The following GAN variants were observed in gnomAD, a reference collection of about 807,000 sequenced individuals.
The protein encoded by GAN is epididymis secretory sperm binding protein.
Under a neutral mutation model 71.3 loss-of-function variants are expected in GAN, and 48 were observed. The observed-to-expected ratio is 0.67, with a 90% CI of 0.53 to 0.86. GAN has a LOEUF of 0.86. GAN is among the 40% of genes least tolerant of loss of function. The pLI, the probability that GAN is intolerant of heterozygous loss-of-function variation, is 0.00. For synonymous variants in GAN, 386 were observed against 276.8 expected (o/e 1.39, Z -3.92); for missense variants, 928 against 770.1 (o/e 1.21, Z -2.43).
At chr16:81,357,598 T>C (rs1910533368) in intron 4 of GAN, among the ~76,000 whole-genome samples, 1 of 152,196 alleles carries the variant, frequency 6.6e-6, no homozygotes, top group African/African-American at 2.4e-5. Context: ...GCAGCATGAT[T>C]TATAGTCCTT....
chr16:81,379,360 T>G lies in GAN; in HGVS notation c.*1764T>G, dbSNP rs1222684747. 1 of 152,232 alleles carries G rather than the reference T, an allele frequency of 6.6e-6. No homozygotes were observed. Among genetic ancestry groups the G allele is most frequent in the Non-Finnish European group, 1.5e-5 (1 of 68,032 alleles). The allele number at this position is 152,232 out of a possible 1,614,324, so 9.4% of individuals were successfully genotyped here. A position where few individuals can be genotyped will look rare whatever the true frequency, so the allele number is the denominator to read the frequency against. On this transcript the variant is annotated 3_prime_UTR_variant, in exon 11 of 11. Transcript: ENST00000648994. ...AGTGTGGTACATTAACTCTCCATTT[T>G]AGCCAGAAGATACCTGATAAGAGAA...
intron 1 of GAN, among the ~76,000 whole-genome samples, chr16:81,331,026 A>G (rs577295585): frequency 6.6e-6 from 1 of 152,136 alleles, no homozygotes; most frequent in East Asian, 1.9e-4. Context: ...GTACCATAGC[A>G]AGATCCCATC....
Position 81,383,824 on chromosome 16 carries a change from C to T in GAN, c.*6228C>T, listed in dbSNP as rs1321528946. 7 of 152,088 alleles carry T rather than the reference C, an allele frequency of 4.6e-5. No homozygotes were observed. Among genetic ancestry groups the T allele is most frequent in the African/African-American group, 1.4e-4 (6 of 41,386 alleles). 9.4% of individuals were successfully genotyped at this position (152,088 alleles called of 1,614,324 possible). A position where few individuals can be genotyped will look rare whatever the true frequency, so the allele number is the denominator to read the frequency against. ...GAACGAGTAGACACTGAATAGGATC[C>T]ACGTAAATGAACGGCCATTTCAAAT... On this transcript the variant is annotated 3_prime_UTR_variant, in exon 11 of 11. Coordinates refer to ENST00000648994, the MANE Select transcript of GAN (RefSeq NM_022041.4).
chr16:81,348,658 G>T (rs114957962), intron 1 of GAN, among the ~76,000 whole-genome samples: 88 of 152,336 alleles, frequency 5.8e-4, no homozygotes, highest in African/African-American at 2.0e-3. Context: ...TACGTTTTCT[G>T]TGTATGATGT....
chr16:81,319,715 C>G (rs899547945), intron 1 of GAN, among the ~76,000 whole-genome samples: 1 of 152,194 alleles, frequency 6.6e-6, no homozygotes, highest in Non-Finnish European at 1.5e-5. Flanking sequence ...CCCGACCCCC[C>G]CTTATTTTTT....
chr16:81,366,849 C>G (rs967289688), intron 9 of GAN, among the ~76,000 whole-genome samples: 2 of 151,894 alleles, frequency 1.3e-5, no homozygotes, highest in Non-Finnish European at 2.9e-5. Flanking sequence ...TTTTTGGAGA[C>G]AGTCTCGCTC....
intron 1 of GAN, among the ~76,000 whole-genome samples, chr16:81,328,026 C>T (rs972013345): frequency 6.6e-6 from 1 of 152,220 alleles, no homozygotes; most frequent in Non-Finnish European, 1.5e-5. Flanking sequence ...CTTGGCTTCA[C>T]CAGTTGCTGC....
intron 4 of GAN, 127 bp from the exon 5 acceptor site, chr16:81,357,683 C>G (rs969926032): frequency 1.5e-5 from 13 of 895,078 alleles, no homozygotes; most frequent in Non-Finnish European, 2.4e-5. Flanking sequence ...AATCGTCACA[C>G]TGACTTCCAC....
chr16:81,373,030 CT>C (rs2150696285), intron 9 of GAN, among the ~76,000 whole-genome samples: 1 of 152,298 alleles, frequency 6.6e-6, no homozygotes, highest in African/African-American at 2.4e-5. Context: ...TGGTGCTTAG[CT>C]TTGTTTCTGA....
chr16:81,350,905 C>T (rs1175537692), intron 1 of GAN, among the ~76,000 whole-genome samples: 3 of 152,146 alleles, frequency 2.0e-5, no homozygotes, highest in African/African-American at 7.2e-5. Context: ...CTGGAGACAA[C>T]CCCAGATGCC....
In GAN at chr16:81,387,703, C is replaced by G. The variant is rs570422033; in HGVS notation, c.*10107C>G. 1 of 152,282 alleles carries G rather than the reference C, an allele frequency of 6.6e-6. No individual in the cohort carries two copies. Among genetic ancestry groups the G allele is most frequent in the Non-Finnish European group, 1.5e-5 (1 of 68,108 alleles). The allele number at this position is 152,282 out of a possible 1,614,324, so 9.4% of individuals were successfully genotyped here. On this transcript the variant is annotated 3_prime_UTR_variant, in exon 11 of 11. Coordinates refer to ENST00000648994, the MANE Select transcript of GAN (RefSeq NM_022041.4). The stretch of plus-strand genomic sequence containing the variant: ...TGTTGGTGGGCCCCTGTAATCCCAG[C>G]TACTCGGGAGGTTGAGGGAGGAGAA...
At chr16:81,343,004 A>G (rs775527827) in intron 1 of GAN, among the ~76,000 whole-genome samples, 1 of 152,228 alleles carries the variant, frequency 6.6e-6, no homozygotes, top group Non-Finnish European at 1.5e-5. Flanking sequence ...GAACACCTCT[A>G]CAGAAATAAA....
intron 1 of GAN, among the ~76,000 whole-genome samples, chr16:81,337,371 C>A (rs145579711): frequency 2.4e-4 from 36 of 152,332 alleles, no homozygotes; most frequent in Non-Finnish European, 4.9e-4. Flanking sequence ...CATTCTCTTG[C>A]ATTCTATTTA....
At chr16:81,368,172 A>G (rs1910921904) in intron 9 of GAN, among the ~76,000 whole-genome samples, 2 of 152,248 alleles carry the variant, frequency 1.3e-5, no homozygotes, top group Non-Finnish European at 2.9e-5. Context: ...AGGAAAGCAA[A>G]GAAATTGCCA....
chr16:81,365,511 A>G (rs769697301), intron 9 of GAN, 33 bp downstream of exon 9: 1 of 1,603,502 alleles, frequency 6.2e-7, no homozygotes, highest in Admixed American at 1.7e-5. Flanking sequence ...AGCTACTGCA[A>G]CTTTTTCTTT....
chr16:81,364,196 G>T (rs1910772008), intron 7 of GAN, among the ~76,000 whole-genome samples: 1 of 152,150 alleles, frequency 6.6e-6, no homozygotes, highest in African/African-American at 2.4e-5. Context: ...CCACATTTGA[G>T]TGTGCAAATG....
rs1244681504 is a variant in GAN, at chr16:81,390,499, G to C, written c.*12903G>C. 1 of 152,196 alleles carries C rather than the reference G, an allele frequency of 6.6e-6. No individual in the cohort carries two copies. Among genetic ancestry groups the C allele is most frequent in the East Asian group, 1.9e-4 (1 of 5,200 alleles). 9.4% of individuals were successfully genotyped at this position (152,196 alleles called of 1,614,324 possible). A position where few individuals can be genotyped will look rare whatever the true frequency, so the allele number is the denominator to read the frequency against. ...ACATGCTTCAGTATATTGTGGGGTT[G>C]GTCCCTTCTCACGAACCCAGGACCT... is the stretch of plus-strand genomic sequence containing the variant. On this transcript the variant is annotated 3_prime_UTR_variant, in exon 11 of 11. Transcript: ENST00000648994.
intron 1 of GAN, among the ~76,000 whole-genome samples, chr16:81,348,074 A>T (rs895235694): frequency 3.3e-5 from 5 of 152,104 alleles, no homozygotes; most frequent in African/African-American, 1.2e-4. Context: ...TCTGGTCTTG[A>T]ACACCTGGGC....
At chr16:81,335,744 C>T (rs1261336263) in intron 1 of GAN, among the ~76,000 whole-genome samples, 2 of 45,956 alleles carry the variant, frequency 4.4e-5, no homozygotes, top group African/African-American at 2.3e-4. Flanking sequence ...GAGACTCAGT[C>T]TCAAAAAAAA....
Sources: allele counts gnomAD v4.1 joint callset (sites outside exome capture counted in the v4.1 genomes callset), GRCh38; gene constraint gnomAD v4.1.1; transcripts MANE v1.5; gene names NCBI Gene and HGNC (gene_info 2026-07-23, HGNC 2026-07-21).